The following PPFIA2 variants were observed in gnomAD, a reference collection of about 807,000 sequenced individuals.
PPFIA2 encodes the protein PPFI scaffold protein A2.
PPFIA2 carries 46 observed loss-of-function variants against 175.5 expected under a neutral mutation model. That is an observed-to-expected ratio of 0.26 (90% CI 0.21 to 0.34). PPFIA2 has a LOEUF of 0.34. Among genes scored for constraint, PPFIA2 ranks in the 10% least tolerant of loss-of-function variants. The pLI, the probability that PPFIA2 is intolerant of heterozygous loss-of-function variation, is 1.00. For synonymous variants in PPFIA2, 568 were observed against 511.4 expected (o/e 1.11, Z -1.49); for missense variants, 1,179 against 1,506.1 (o/e 0.78, Z 3.60).
intron 15 of PPFIA2, among the ~76,000 whole-genome samples, chr12:81,361,889 G>A (rs911115374): frequency 6.0e-5 from 9 of 151,128 alleles, no homozygotes; most frequent in African/African-American, 1.9e-4. Flanking sequence ...GTGACTAAAT[G>A]AGTGTGTCCT....
chr12:81,613,617 A>G (rs935228343), intron 4 of PPFIA2, among the ~76,000 whole-genome samples: 3 of 152,142 alleles, frequency 2.0e-5, no homozygotes, highest in African/African-American at 7.2e-5. Context: ...TCTCTCATAC[A>G]TAATTTGGAT....
At chr12:81,548,024 T>G (rs563603452) in intron 4 of PPFIA2, among the ~76,000 whole-genome samples, 1 of 152,292 alleles carries the variant, frequency 6.6e-6, no homozygotes, top group African/African-American at 2.4e-5. Context: ...TAGCAAGTGC[T>G]TTGTATATTG....
chr12:81,608,386 T>C (rs2060548449), intron 4 of PPFIA2, among the ~76,000 whole-genome samples: 2 of 152,106 alleles, frequency 1.3e-5, no homozygotes, highest in South Asian at 2.1e-4. Context: ...TTCTTCTTTA[T>C]AGATCTGGTA....
chr12:81,557,612 T>A (rs2069136170), intron 4 of PPFIA2, among the ~76,000 whole-genome samples: 1 of 152,086 alleles, frequency 6.6e-6, no homozygotes, highest in African/African-American at 2.4e-5. Flanking sequence ...GTTCCAGGAA[T>A]CAGCATTATT....
chr12:81,642,606 T>C (rs1376838148), intron 4 of PPFIA2, among the ~76,000 whole-genome samples: 1 of 127,152 alleles, frequency 7.9e-6, no homozygotes, highest in African/African-American at 2.9e-5. Context: ...AATATATATA[T>C]ACACACACAT....
chr12:81,683,515 A>G (rs558785989), intron 3 of PPFIA2, among the ~76,000 whole-genome samples: 10 of 152,148 alleles, frequency 6.6e-5, no homozygotes, highest in African/African-American at 2.4e-4. Context: ...TCTTAAAACA[A>G]AACACAAACT....
At chr12:81,597,183 T>G (rs569657982) in intron 4 of PPFIA2, among the ~76,000 whole-genome samples, 5 of 152,030 alleles carry the variant, frequency 3.3e-5, no homozygotes, top group Non-Finnish European at 7.4e-5. Flanking sequence ...TATGACTGAA[T>G]TACAAAGTAA....
chr12:81,434,404 G>C (rs2048624989), intron 7 of PPFIA2, among the ~76,000 whole-genome samples: 1 of 151,990 alleles, frequency 6.6e-6, no homozygotes, highest in South Asian at 2.1e-4. Context: ...CAGCAAAAGA[G>C]ATAAGCAATA....
At chr12:81,705,137 C>G (rs1343303697) in intron 3 of PPFIA2, among the ~76,000 whole-genome samples, 1 of 139,834 alleles carries the variant, frequency 7.2e-6, no homozygotes, top group African/African-American at 2.6e-5. Context: ...CCAGCCTCTA[C>G]CTGGTGTATT....
intron 6 of PPFIA2, among the ~76,000 whole-genome samples, chr12:81,442,265 T>C (rs535243567): frequency 1.4e-4 from 21 of 152,194 alleles, no homozygotes; most frequent in African/African-American, 5.1e-4. Context: ...AAATTCTGAA[T>C]ATATTTTGAG....
intron 7 of PPFIA2, among the ~76,000 whole-genome samples, chr12:81,439,087 C>T (rs1273620623): frequency 6.6e-6 from 1 of 151,452 alleles, no homozygotes; most frequent in African/African-American, 2.4e-5. Context: ...AAAATGCAGC[C>T]TTATAAATGT....
chr12:81,716,842 C>T (rs914707679), intron 3 of PPFIA2, among the ~76,000 whole-genome samples: 1 of 151,382 alleles, frequency 6.6e-6, no homozygotes, highest in Non-Finnish European at 1.5e-5. Flanking sequence ...GGTGCGAATG[C>T]TTTGGATAAA....
intron 21 of PPFIA2, among the ~76,000 whole-genome samples, chr12:81,338,708 A>G (rs1371025830): frequency 6.6e-6 from 1 of 152,056 alleles, no homozygotes; most frequent in African/African-American, 2.4e-5. Flanking sequence ...CAATTCTTTC[A>G]ACAAAAAAAC....
intron 4 of PPFIA2, among the ~76,000 whole-genome samples, chr12:81,587,100 C>T (rs1234258442): frequency 6.6e-6 from 1 of 151,774 alleles, no homozygotes; most frequent in Non-Finnish European, 1.5e-5. Flanking sequence ...AACTGTAGAA[C>T]CTGTTTTTGA....
chr12:81,593,151 A>T (rs894227160), intron 4 of PPFIA2, among the ~76,000 whole-genome samples: 2 of 152,178 alleles, frequency 1.3e-5, no homozygotes, highest in Admixed American at 1.3e-4. Flanking sequence ...TCTGCCAAGT[A>T]TGAGACTATA....
At chr12:81,672,757 T>C (rs1215536139) in intron 4 of PPFIA2, among the ~76,000 whole-genome samples, 1 of 152,022 alleles carries the variant, frequency 6.6e-6, no homozygotes, top group Admixed American at 6.6e-5. Context: ...ATAATTACTA[T>C]ATGAGGCAAT....
In PPFIA2 at chr12:81,358,237, T is replaced by C. The variant is rs377596645; in HGVS notation, c.1638-20A>G. Reference sequence around the variant, plus strand: ...TGAGTTCTGGAAAAAAGGAAAAATATAAAATAATCCAATCTCAAAAATTAA... The same window carrying C: ...TGAGTTCTGGAAAAAAGGAAAAATACAAAATAATCCAATCTCAAAAATTAA... On this transcript the variant is annotated intron_variant, in intron 15 of 32. Transcript: ENST00000549396. 1.8e-5 allele frequency: 28 copies of C among 1,551,488 alleles called. No homozygotes were observed. In the African/African-American group the frequency reaches 3.3e-4, roughly 18 times the overall value.
intron 4 of PPFIA2, among the ~76,000 whole-genome samples, chr12:81,666,173 C>G (rs1234846154): frequency 6.6e-6 from 1 of 152,154 alleles, no homozygotes; most frequent in African/African-American, 2.4e-5. Context: ...GGACTGTAAA[C>G]TAGTTCAACC....
intron 3 of PPFIA2, among the ~76,000 whole-genome samples, chr12:81,712,300 G>A (rs2078040229): frequency 6.6e-6 from 1 of 151,248 alleles, no homozygotes; most frequent in Non-Finnish European, 1.5e-5. Context: ...TGAATGTTGA[G>A]ATTTATATAA....
Sources: allele counts gnomAD v4.1 joint callset (sites outside exome capture counted in the v4.1 genomes callset), GRCh38; gene constraint gnomAD v4.1.1; transcripts MANE v1.5; gene names NCBI Gene and HGNC (gene_info 2026-07-23, HGNC 2026-07-21).